Variants in DNAH7 observed in about 807,000 individuals in gnomAD.
DNAH7 encodes dynein axonemal heavy chain 7.
A neutral mutation model predicts 444.6 loss-of-function variants in DNAH7; 397 were observed. The observed-to-expected ratio is 0.89, with a 90% CI of 0.82 to 0.97. The LOEUF (loss-of-function observed/expected upper bound fraction) is 0.97, where lower values mean the gene tolerates loss of function less well. Ranked by LOEUF, DNAH7 falls within the 50% of genes least tolerant of loss-of-function variation. The pLI, the probability that DNAH7 is intolerant of heterozygous loss-of-function variation, is 0.00. For missense variants in DNAH7, 4,902 were observed against 4,800.8 expected (o/e 1.02, Z -0.62); for synonymous variants, 1,636 against 1,624.4 (o/e 1.01, Z -0.17).
At chr2:195,924,646 GC>G (rs1688221587) in intron 22 of DNAH7, among the ~76,000 whole-genome samples, 1 of 151,520 alleles carries the variant, frequency 6.6e-6, no homozygotes, top group Non-Finnish European at 1.5e-5. Context: ...GCACCATGCA[GC>G]CCTGAGGTCC....
chr2:195,777,952 C>G lies in DNAH7; in HGVS notation c.10912G>C (p.Gly3638Arg). 6.2e-7 allele frequency: 1 copy of G among 1,613,976 alleles called. No individual in the cohort carries two copies. The highest frequency in any genetic ancestry group is 8.5e-7 in the Non-Finnish European group (1 of 1,179,886). The change falls in exon 59 of 65, where the codon GGC (glycine) becomes CGC (arginine). Residue 3638 changes from glycine (G) to arginine (R), a missense_variant. Coordinates refer to ENST00000312428, the MANE Select transcript of DNAH7 (RefSeq NM_018897.3). The part of the protein sequence containing the change: ...LPYEALRYMT[G>R]ECNYGGRVTD... ...ACTCTGCCTCCGTAATTGCATTCGC[C>G]AGTCATGTACCGCAGAGCCTCATAC... is the stretch of plus-strand genomic sequence containing the variant.
At chr2:195,801,330 T>C (rs531125875) in intron 54 of DNAH7, among the ~76,000 whole-genome samples, 1 of 152,272 alleles carries the variant, frequency 6.6e-6, no homozygotes, top group Non-Finnish European at 1.5e-5. Context: ...GTCATAAATA[T>C]TTGTTGTTCA....
In DNAH7 at chr2:195,744,400, C is replaced by A. The variant is rs1457418290; in HGVS notation, c.11765-3531G>T. 2.6e-5 allele frequency among the ~76,000 whole-genome samples: 4 copies of A among 152,128 alleles called. No individual in the cohort carries two copies. The East Asian group carries it at 5.8e-4, about 22-fold the overall frequency. ...TGGAGCCCACCACAGCTCAAGGAGG[C>A]CTGCCTACCTCTGGGGGCAGGGCAC... On this transcript the variant is annotated intron_variant, in intron 63 of 64. Transcript: ENST00000312428.
Position 195,845,066 on chromosome 2 carries a change from G to A in DNAH7, c.8881C>T (p.Arg2961Ter), listed in dbSNP as rs780242250. Residue 2961 changes from arginine (R) to a stop codon, truncating the protein, a stop_gained, in exon 47 of 65, where the codon CGA becomes TGA. Coordinates refer to ENST00000312428, the MANE Select transcript of DNAH7 (RefSeq NM_018897.3). LOFTEE classifies it high-confidence loss of function. ...MGTLGEAVTI[R>*]TWNIAGLPSD... is the part of the protein sequence containing the mutation. ...GGTAATCCAGCAATATTCCAAGTTC[G>A]AATTGTCACAGCTTCTCCCAGGGTA... 17 of 1,613,682 alleles carry A rather than the reference G, an allele frequency of 1.1e-5. No individual in the cohort carries two copies. The highest frequency in any genetic ancestry group is 1.6e-4 in the Middle Eastern group (1 of 6,078).
intron 27 of DNAH7, chr2:195,904,325 A>G (rs1686884393): frequency 6.6e-6 from 1 of 151,188 alleles, no homozygotes; most frequent in African/African-American, 2.5e-5. Flanking sequence ...AAGGATGACC[A>G]TGAATTTGTC....
intron 2 of DNAH7, among the ~76,000 whole-genome samples, chr2:196,057,721 A>C (rs1333181473): frequency 6.6e-6 from 1 of 152,230 alleles, no homozygotes; most frequent in Non-Finnish European, 1.5e-5. Context: ...ATTTGAATTG[A>C]AACTCCACTT....
intron 22 of DNAH7, among the ~76,000 whole-genome samples, chr2:195,925,892 C>A (rs1688299497): frequency 6.6e-6 from 1 of 151,348 alleles, no homozygotes; most frequent in South Asian, 2.1e-4. Context: ...CAATTACAAT[C>A]TAATTAATAT....
At chr2:195,754,600 G>C in intron 62 of DNAH7, 86 bp from the exon 63 acceptor site, 1 of 1,404,100 alleles carries the variant, frequency 7.1e-7, no homozygotes, top group South Asian at 1.4e-5. Context: ...TGGTTGCCCA[G>C]GCAGGGCTCA....
intron 58 of DNAH7, among the ~76,000 whole-genome samples, chr2:195,778,624 A>AAAAAAAAT (rs1695191285): frequency 2.4e-5 from 1 of 41,312 alleles, no homozygotes; most frequent in East Asian, 8.7e-4. Context: ...GTCTGAAAAA[A>AAAAAAAAT]AAAAAAAATA....
chr2:195,876,545 A>G lies in DNAH7; in HGVS notation c.6116T>C (p.Met2039Thr). 6.2e-7 allele frequency: 1 copy of G among 1,613,692 alleles called. No homozygotes were observed. The highest frequency in any genetic ancestry group is 8.5e-7 in the Non-Finnish European group (1 of 1,179,754). Residue 2039 changes from methionine to threonine, a missense_variant and splice_region_variant, in exon 37 of 65, where the codon ATG becomes ACG. Transcript: ENST00000312428. Reference sequence around the variant, plus strand: ...GGGTACTGTACAAAGAGTCATTACCATTCTCTTGCCCAAAGGAGGACCAAA... The same window carrying G: ...GGGTACTGTACAAAGAGTCATTACCGTTCTCTTGCCCAAAGGAGGACCAAA... The part of the protein sequence containing the change: ...GVFGPPLGKR[M>T]VVFVDDVNMP...
intron 1 of DNAH7, 79 bp from the exon 2 acceptor site, chr2:196,058,195 G>GT: frequency 8.7e-7 from 1 of 1,146,586 alleles, no homozygotes; most frequent in Non-Finnish European, 1.2e-6. Flanking sequence ...ATTTTACAGT[G>GT]TTTATTGTAA....
At chr2:195,794,667 T>A (rs1696053112) in intron 56 of DNAH7, 129 bp from the exon 57 acceptor site, 2 of 818,822 alleles carry the variant, frequency 2.4e-6, no homozygotes, top group South Asian at 3.5e-5. Context: ...ACTGCTGCAA[T>A]TTTCAGCAAA....
intron 61 of DNAH7, among the ~76,000 whole-genome samples, chr2:195,761,043 AGAG>A (rs1694325058): frequency 6.6e-6 from 1 of 152,188 alleles, no homozygotes; most frequent in Non-Finnish European, 1.5e-5. Context: ...CCTTGCAGAC[AGAG>A]AATTCAAATA....
In DNAH7 at chr2:196,068,773, A is replaced by G; in HGVS notation, c.-62T>C. On this transcript the variant is annotated 5_prime_UTR_variant, in exon 1 of 65. Transcript: ENST00000312428. The stretch of plus-strand genomic sequence containing the variant: ...GGTTGCTCCTGCCCGCGGAACCCCT[A>G]GGACGATAGAGGCAGGGCCCCGGGA... 6.5e-7 allele frequency: 1 copy of G among 1,543,796 alleles called. No individual in the cohort carries two copies. Among genetic ancestry groups the G allele is most frequent in the Non-Finnish European group, 8.7e-7 (1 of 1,143,480 alleles).
chr2:195,849,762 C>T (rs113290827), intron 46 of DNAH7, among the ~76,000 whole-genome samples: 2 of 151,894 alleles, frequency 1.3e-5, no homozygotes, highest in Non-Finnish European at 2.9e-5. Context: ...CCACCATGCC[C>T]GGATAATTTT....
Position 195,875,711 on chromosome 2 carries a change from C to T in DNAH7, c.6250G>A (p.Val2084Met). Residue 2084 changes from valine (V) to methionine (M), a missense_variant, in exon 38 of 65, where the codon GTG (valine) becomes ATG (methionine). Physicochemically the swap from Val to Met is conservative, Grantham distance 21. Transcript: ENST00000312428. ...DLKDCSMIKL[V>M]DIQIMCAMGP... ...ATAGCACACATGATCTGAATGTCCA[C>T]TAGTTTAATCATGGAACAATCTTTT... 2 of 1,608,060 alleles carry T rather than the reference C, an allele frequency of 1.2e-6. No individual in the cohort carries two copies. The highest frequency in any genetic ancestry group is 1.7e-6 in the Non-Finnish European group (2 of 1,177,928).
intron 51 of DNAH7, among the ~76,000 whole-genome samples, chr2:195,813,429 A>G (rs1697068006): frequency 6.6e-6 from 1 of 152,176 alleles, no homozygotes; most frequent in Non-Finnish European, 1.5e-5. Flanking sequence ...CCCAGAAGCC[A>G]TTTCTTTGAA....
intron 4 of DNAH7, among the ~76,000 whole-genome samples, chr2:196,047,968 T>G (rs932660182): frequency 6.6e-6 from 1 of 152,016 alleles, no homozygotes; most frequent in African/African-American, 2.4e-5. Flanking sequence ...CCACAAAAAA[T>G]TTTAAAAAGA....
intron 5 of DNAH7, among the ~76,000 whole-genome samples, chr2:196,044,728 C>A (rs1007227168): frequency 6.6e-6 from 1 of 151,982 alleles, no homozygotes; most frequent in Non-Finnish European, 1.5e-5. Context: ...AAATTGAGAC[C>A]TTTATAGACA....
Sources: gnomAD v4.1 joint callset for allele counts (sites outside exome capture counted in the v4.1 genomes callset) on GRCh38, gnomAD v4.1.1 for gene constraint, MANE v1.5 for transcripts, NCBI Gene and HGNC (gene_info 2026-07-23, HGNC 2026-07-21) for gene names.